The following PBRM1 variants were observed in gnomAD, a reference collection of about 807,000 sequenced individuals.
PBRM1 encodes the protein polybromo 1.
Under a neutral mutation model 194.5 loss-of-function variants are expected in PBRM1, and 27 were observed. The ratio of observed to expected loss-of-function variants is 0.14; its 90% CI spans 0.10 to 0.19. The LOEUF is 0.19. PBRM1 is among the 10% of genes least tolerant of loss of function. PBRM1 has a pLI of 1.00. For missense variants in PBRM1, 1,466 were observed against 2,077.2 expected, an observed-to-expected ratio of 0.71 and a Z score of 5.72; for synonymous variants, 655 against 693.2, an observed-to-expected ratio of 0.94 and a Z score of 0.87.
intron 6 of PBRM1, 40 bp downstream of exon 7, chr3:52,651,702 G>A (rs779256405): frequency 8.1e-6 from 10 of 1,241,440 alleles, no homozygotes; most frequent in Non-Finnish European, 1.0e-5. Context: ...AGGCCAATCT[G>A]CTCTAAACCA....
At chr3:52,634,508 T>A (rs2095733833) in intron 11 of PBRM1, 94 bp downstream of exon 12, 4 of 818,060 alleles carry the variant, frequency 4.9e-6, no homozygotes, top group Non-Finnish European at 8.0e-6. Context: ...TTTTTACCTT[T>A]AATATCCTTA....
At chr3:52,662,480 G>T (rs1438159933) in intron 3 of PBRM1, among the ~76,000 whole-genome samples, 1 of 151,970 alleles carries the variant, frequency 6.6e-6, no homozygotes, top group Non-Finnish European at 1.5e-5. Flanking sequence ...AATTATTTAG[G>T]TCTTATCTCA....
chr3:52,645,305 CA>C (rs1475022622), intron 7 of PBRM1, among the ~76,000 whole-genome samples: 1 of 151,572 alleles, frequency 6.6e-6, no homozygotes, highest in African/African-American at 2.4e-5. Context: ...TCATGAATAG[CA>C]GATTCATCTT....
At chr3:52,559,272 C>A (rs11706139) in intron 25 of PBRM1, among the ~76,000 whole-genome samples, 5,931 of 152,228 alleles carry the variant, frequency 0.039, 172 homozygotes, top group Middle Eastern at 0.068. Flanking sequence ...TAGAATACAT[C>A]CTGCTACCTC....
chr3:52,605,538 A>G (rs2094293086), intron 16 of PBRM1, among the ~76,000 whole-genome samples: 1 of 152,180 alleles, frequency 6.6e-6, no homozygotes, highest in Admixed American at 6.5e-5. Context: ...CCCATCAGCA[A>G]AGGTGAACTG....
chr3:52,603,755 C>T, intron 16 of PBRM1, 23 bp from the exon 19 acceptor site: 1 of 1,584,734 alleles, frequency 6.3e-7, no homozygotes, highest in Non-Finnish European at 8.6e-7. Flanking sequence ...CAAGAGTATC[C>T]ATTGACATAC....
At chr3:52,632,686 CTT>C (rs767428790) in intron 11 of PBRM1, among the ~76,000 whole-genome samples, 45 of 138,502 alleles carry the variant, frequency 3.2e-4, no homozygotes, top group Admixed American at 7.3e-4. Context: ...CCACCTTGAC[CTT>C]TTTTTTTTTT....
chr3:52,679,875 T>A (rs942142455), upstream of PBRM1: 28 of 471,138 alleles, frequency 5.9e-5, no homozygotes, highest in African/African-American at 3.2e-4. Context: ...TTTTTTTTTT[T>A]AAGCCCTGGA....
chr3:52,680,648 C>T (rs1403079405), upstream of PBRM1, among the ~76,000 whole-genome samples: 4 of 152,034 alleles, frequency 2.6e-5, no homozygotes, highest in East Asian at 7.7e-4. Flanking sequence ...ATTTGAAAGG[C>T]CTTTTTCTTT....
intron 2 of PBRM1, among the ~76,000 whole-genome samples, chr3:52,675,496 A>G (rs1186352717): frequency 6.6e-6 from 1 of 152,240 alleles, no homozygotes; most frequent in South Asian, 2.1e-4. Context: ...GCAGGATATT[A>G]AAAGGATTAT....
At position 52,609,069 on chromosome 3, in the gene PBRM1, A is replaced by G. The variant is rs2094487137; in HGVS notation, c.2567+244T>C. The G allele has an allele frequency of 2.0e-5, 8 of 409,288 alleles. No individual in the cohort carries two copies. Among genetic ancestry groups the G allele is most frequent in the Non-Finnish European group, 3.5e-5 (8 of 229,476 alleles). The allele number at this position is 409,288 out of a possible 1,614,324, so 25.4% of individuals were successfully genotyped here. On this transcript the variant is annotated intron_variant, in intron 16 of 29. Transcript: ENST00000296302. This position sits in a 1 kb window ranked among gnomAD's most constrained non-coding sequence, Gnocchi z 4.1. Reference sequence around the variant, plus strand: ...CTGTATTTTAAGTTTATGCTTTTCAAGAGATTTTCAATTTTGTCTTCCTCC... The same window carrying G: ...CTGTATTTTAAGTTTATGCTTTTCAGGAGATTTTCAATTTTGTCTTCCTCC...
chr3:52,639,211 G>C (rs1473528047), intron 10 of PBRM1, among the ~76,000 whole-genome samples: 1 of 151,930 alleles, frequency 6.6e-6, no homozygotes, highest in Non-Finnish European at 1.5e-5. Flanking sequence ...CCCAACGTCA[G>C]GTGATCTGCC....
chr3:52,562,960 G>GTGATGTT (rs1390668158), intron 24 of PBRM1, among the ~76,000 whole-genome samples: 1 of 152,058 alleles, frequency 6.6e-6, no homozygotes, highest in Non-Finnish European at 1.5e-5. Context: ...GACAAACAGG[G>GTGATGTT]TGATGTTGCT....
At chr3:52,663,797 C>T (rs1044319108) in intron 3 of PBRM1, among the ~76,000 whole-genome samples, 6 of 151,440 alleles carry the variant, frequency 4.0e-5, no homozygotes, top group Admixed American at 1.3e-4. Flanking sequence ...TGGTGGCTCA[C>T]GCCTGTAATC....
chr3:52,555,337 A>G (rs886435642), intron 26 of PBRM1, among the ~76,000 whole-genome samples: 1 of 152,188 alleles, frequency 6.6e-6, no homozygotes, highest in African/African-American at 2.4e-5. Flanking sequence ...GAGGGAAATG[A>G]GCGCATAGTC....
rs1161254980 is a variant in PBRM1 at position 52,643,348 on chromosome 3, C to A, written c.900-5G>T. ...GCAGCCAAGTTGGATGGAGTCCTAT[C>A]CAGAGATAAGATAAAAAGCTTAGAA... On this transcript the variant is annotated splice_polypyrimidine_tract_variant and splice_region_variant and intron_variant, in intron 8 of 29. Coordinates refer to ENST00000296302, the Ensembl canonical transcript of PBRM1. 2 of 1,599,708 alleles carry A rather than the reference C, an allele frequency of 1.3e-6. No individual in the cohort carries two copies. Among genetic ancestry groups the A allele is most frequent in the Non-Finnish European group, 1.7e-6 (2 of 1,167,046 alleles).
At chr3:52,614,915 C>T (rs2094875573) in intron 15 of PBRM1, among the ~76,000 whole-genome samples, 1 of 152,116 alleles carries the variant, frequency 6.6e-6, no homozygotes, top group African/African-American at 2.4e-5. Flanking sequence ...AGACTACACT[C>T]AAATGATAGC....
At chr3:52,546,875 T>A (rs1339404264), downstream of PBRM1, 1 of 233,020 alleles carries the variant, frequency 4.3e-6, no homozygotes, top group Non-Finnish European at 8.5e-6. Context: ...CAAGCTAAAT[T>A]TAAAAAATAT....
Position 52,617,256 on chromosome 3 carries a change from C to T in PBRM1, c.1818+6G>A, listed in dbSNP as rs759168954. 1 of 1,611,686 alleles carries T rather than the reference C, an allele frequency of 6.2e-7. No individual in the cohort carries two copies. The highest frequency in any genetic ancestry group is 1.1e-5 in the South Asian group (1 of 90,872). On this transcript the variant is annotated splice_donor_region_variant and intron_variant, in intron 14 of 29. Transcript: ENST00000296302. ...TGCCTACTTCAGGACCGCTGGCCCT[C>T]CTTACCTGGGAGCCCTCCTCATTAT...
Sources: gnomAD v4.1 joint callset for allele counts (sites outside exome capture counted in the v4.1 genomes callset) on GRCh38, gnomAD v4.1.1 for gene constraint, Gnocchi (gnomAD v3.1) non-coding constraint, MANE v1.5 for transcripts, NCBI Gene and HGNC (gene_info 2026-07-23, HGNC 2026-07-21) for gene names.